RBM26: variants seen among roughly 807,000 people sequenced by gnomAD.
RBM26 encodes RNA-binding protein 26.
A neutral mutation model predicts 123.6 loss-of-function variants in RBM26; 30 were observed. The observed-to-expected ratio is 0.24, with a 90% CI of 0.18 to 0.33. RBM26 has a LOEUF of 0.33. Among genes scored for constraint, RBM26 ranks in the 10% least tolerant of loss-of-function variants. The pLI is 1.00. For missense variants in RBM26, 947 were observed against 1,203.6 expected (o/e 0.79, Z 3.15); for synonymous variants, 400 against 404.4 (o/e 0.99, Z 0.13).
At chr13:79,339,514 G>A (rs1261516430) in intron 18 of RBM26, among the ~76,000 whole-genome samples, 1 of 151,932 alleles carries the variant, frequency 6.6e-6, no homozygotes, top group Non-Finnish European at 1.5e-5. Context: ...AAAACATTTT[G>A]GATTATCATA....
Position 79,405,791 on chromosome 13 carries a change from GC to G in RBM26, c.-18del. 6.5e-7 allele frequency: 1 copy of G among 1,526,776 alleles called. No homozygotes were observed. Among genetic ancestry groups the G allele is most frequent in the Non-Finnish European group, 8.9e-7 (1 of 1,129,272 alleles). The allele number at this position is 1,526,776 out of a possible 1,614,324, so 94.6% of individuals were successfully genotyped here. A position where few individuals can be genotyped will look rare whatever the true frequency, so the allele number is the denominator to read the frequency against. On this transcript the variant is annotated 5_prime_UTR_variant, in exon 1 of 22. Coordinates refer to ENST00000438737, the MANE Select transcript of RBM26 (RefSeq NM_001366735.2). ...AGAAACCATCCACAGCGGCCCTAAG[GC>G]CCGTCACACTCCTCCGCCCGCCCAG...
intron 11 of RBM26, among the ~76,000 whole-genome samples, chr13:79,356,133 CAGG>C (rs1049772874): frequency 1.3e-5 from 2 of 152,144 alleles, no homozygotes; most frequent in African/African-American, 4.8e-5. Flanking sequence ...GAGACCAAGG[CAGG>C]AGGACTGCTT....
At chr13:79,363,344 G>C (rs950225495) in intron 9 of RBM26, among the ~76,000 whole-genome samples, 2 of 151,922 alleles carry the variant, frequency 1.3e-5, no homozygotes, top group African/African-American at 4.8e-5. Context: ...TCACAATCCA[G>C]GACAGTAAAT....
intron 1 of RBM26, among the ~76,000 whole-genome samples, chr13:79,402,868 T>TATTTCACCA (rs3064589): frequency 6.6e-6 from 1 of 152,094 alleles, no homozygotes; most frequent in Non-Finnish European, 1.5e-5. Context: ...TGTTACCTAC[T>TATTTCACCA]ATATCTTGCA....
intron 18 of RBM26, 50 bp downstream of exon 18, chr13:79,341,067 CACTACA>C: frequency 1.1e-6 from 1 of 939,872 alleles, no homozygotes; most frequent in East Asian, 2.5e-5. Context: ...TTAAATTGAC[CACTACA>C]ACTACATTTG....
chr13:79,403,919 C>A (rs2079273762), intron 1 of RBM26, among the ~76,000 whole-genome samples: 1 of 152,164 alleles, frequency 6.6e-6, no homozygotes, highest in Non-Finnish European at 1.5e-5. Flanking sequence ...TCATAAACTC[C>A]TCTCTTTTGC....
intron 1 of RBM26, among the ~76,000 whole-genome samples, chr13:79,390,138 A>G (rs1202414440): frequency 1.3e-5 from 2 of 152,184 alleles, no homozygotes; most frequent in Non-Finnish European, 1.5e-5. Flanking sequence ...TACACTGTTT[A>G]AATTTTTATT....
At chr13:79,373,381 A>AC (rs2076227920) in intron 3 of RBM26, among the ~76,000 whole-genome samples, 1 of 98,310 alleles carries the variant, frequency 1.0e-5, no homozygotes, top group Non-Finnish European at 1.8e-5. Flanking sequence ...TATATATTAT[A>AC]TATAAATATA....
rs770397697 is a variant in RBM26, at chr13:79,337,158, A to G, written c.2677T>C (p.Leu893=). The G allele has an allele frequency of 4.3e-6, 7 of 1,614,108 alleles. No individual in the cohort carries two copies. Among genetic ancestry groups the G allele is most frequent in the Middle Eastern group, 1.6e-4 (1 of 6,062 alleles). Residue 893 remains leucine (L), a synonymous_variant, in exon 19 of 22, where the codon TTG becomes CTG. Coordinates refer to ENST00000438737, the MANE Select transcript of RBM26 (RefSeq NM_001366735.2). The part of the protein sequence containing the change: ...HAVVDHRPRA[L]EISAFTESDR... Reference sequence around the variant, plus strand: ...CTCTCCGTAAATGCAGAAATCTCCAATGCCCTGGGACGGTGATCCACCACA... The same window carrying G: ...CTCTCCGTAAATGCAGAAATCTCCAGTGCCCTGGGACGGTGATCCACCACA...
chr13:79,399,103 G>T (rs1417472401), intron 1 of RBM26, among the ~76,000 whole-genome samples: 1 of 152,162 alleles, frequency 6.6e-6, no homozygotes, highest in Non-Finnish European at 1.5e-5. Context: ...AACCAGTGCT[G>T]AGAGAGAGGA....
At chr13:79,373,376 A>AT (rs1330995887) in intron 3 of RBM26, among the ~76,000 whole-genome samples, 4 of 102,384 alleles carry the variant, frequency 3.9e-5, no homozygotes, top group Admixed American at 1.5e-4. Flanking sequence ...TATAATATAT[A>AT]TTATATATAA....
chr13:79,326,215 T>C (rs1351353673), intron 20 of RBM26, among the ~76,000 whole-genome samples: 1 of 152,254 alleles, frequency 6.6e-6, no homozygotes, highest in Non-Finnish European at 1.5e-5. Flanking sequence ...ATTATCTGCT[T>C]TGTACTGCTT....
chr13:79,337,387 T>G, intron 18 of RBM26, 85 bp from the exon 19 acceptor site: 2 of 1,442,822 alleles, frequency 1.4e-6, no homozygotes, highest in Non-Finnish European at 1.9e-6. Context: ...TGAATAAAAC[T>G]TTAATGCAAT....
intron 5 of RBM26, among the ~76,000 whole-genome samples, chr13:79,370,223 T>C (rs1042669984): frequency 3.3e-5 from 5 of 152,076 alleles, no homozygotes; most frequent in African/African-American, 9.7e-5. Flanking sequence ...GGCTGAGGCA[T>C]GATCATCGCT....
At chr13:79,326,057 G>GGTTA (rs1293898630) in intron 20 of RBM26, among the ~76,000 whole-genome samples, 1 of 152,080 alleles carries the variant, frequency 6.6e-6, no homozygotes, top group Non-Finnish European at 1.5e-5. Flanking sequence ...GTGTGTAGTA[G>GGTTA]GTTATATCAT....
At chr13:79,324,460 T>G (rs1208675347) in intron 20 of RBM26, among the ~76,000 whole-genome samples, 1 of 151,888 alleles carries the variant, frequency 6.6e-6, no homozygotes, top group Non-Finnish European at 1.5e-5. Context: ...TGTTTGACTT[T>G]TTTCACAATC....
intron 20 of RBM26, among the ~76,000 whole-genome samples, chr13:79,332,432 C>G (rs1348538925): frequency 1.3e-5 from 2 of 152,124 alleles, no homozygotes; most frequent in Non-Finnish European, 2.9e-5. Context: ...GACCACTGCT[C>G]TATATGTATC....
At chr13:79,402,907 C>T (rs1021930904) in intron 1 of RBM26, among the ~76,000 whole-genome samples, 1 of 151,930 alleles carries the variant, frequency 6.6e-6, no homozygotes, top group Non-Finnish European at 1.5e-5. Context: ...AGGTTAAGTA[C>T]TCTTAAAATA....
chr13:79,338,860 TATAAAATTTG>T (rs2070896322), intron 18 of RBM26, among the ~76,000 whole-genome samples: 1 of 152,190 alleles, frequency 6.6e-6, no homozygotes, highest in Non-Finnish European at 1.5e-5. Flanking sequence ...GAGTAACATA[TATAAAATTTG>T]ATAATTAATT....
Sources: allele counts gnomAD v4.1 joint callset (sites outside exome capture counted in the v4.1 genomes callset), GRCh38; gene constraint gnomAD v4.1.1; transcripts MANE v1.5; gene names NCBI Gene and HGNC (gene_info 2026-07-23, HGNC 2026-07-21).